The following CFAP43 variants were observed in gnomAD, a reference collection of about 807,000 sequenced individuals.
CFAP43 encodes cilia- and flagella-associated protein 43.
In CFAP43, 155 loss-of-function variants were observed where a neutral mutation model predicts 218.9. The observed-to-expected ratio is 0.71, with a 90% CI of 0.62 to 0.81. The LOEUF (loss-of-function observed/expected upper bound fraction) is 0.81. CFAP43 is among the 30% of genes least tolerant of loss of function. The pLI is 0.00. For synonymous variants in CFAP43, 645 were observed against 681.3 expected (o/e 0.95, Z 0.83); for missense variants, 1,778 against 1,954.3 (o/e 0.91, Z 1.70).
At chr10:104,163,121 G>A (rs1280467445) in intron 24 of CFAP43, among the ~76,000 whole-genome samples, 1 of 152,192 alleles carries the variant, frequency 6.6e-6, no homozygotes. Flanking sequence ...GAGTGCACAG[G>A]TTAAGAGGAT....
In CFAP43 at chr10:104,232,309, C is replaced by T. The variant is rs2091473488; in HGVS notation, c.-63G>A. On this transcript the variant is annotated 5_prime_UTR_variant, in exon 1 of 38. Coordinates refer to ENST00000357060, the MANE Select transcript of CFAP43 (RefSeq NM_025145.7). Reference sequence around the variant, plus strand: ...GCAGCACCCCAGGGCGGGTCGGTTACCTTTCCGCCGCCGCGGGGCTGCGGG... The same window carrying T: ...GCAGCACCCCAGGGCGGGTCGGTTATCTTTCCGCCGCCGCGGGGCTGCGGG... 3 of 1,461,654 alleles carry T rather than the reference C, an allele frequency of 2.1e-6. No homozygotes were observed. Among genetic ancestry groups the T allele is most frequent in the Non-Finnish European group, 2.7e-6 (3 of 1,104,298 alleles). 90.5% of individuals were successfully genotyped at this position (1,461,654 alleles called of 1,614,324 possible).
intron 35 of CFAP43, chr10:104,133,336 A>G: frequency 3.9e-6 from 1 of 253,596 alleles, no homozygotes; most frequent in Non-Finnish European, 7.4e-6. Flanking sequence ...AAGCCAAAGG[A>G]ATGAGAAATT....
At chr10:104,152,528 GA>G in intron 28 of CFAP43, 78 bp downstream of exon 28, 1 of 1,578,790 alleles carries the variant, frequency 6.3e-7, no homozygotes, top group Non-Finnish European at 8.6e-7. Flanking sequence ...ACCTGGTAAG[GA>G]TGTTGATCTT....
At chr10:104,218,176 G>A (rs907934969) in intron 3 of CFAP43, among the ~76,000 whole-genome samples, 11 of 151,792 alleles carry the variant, frequency 7.2e-5, no homozygotes, top group Admixed American at 2.0e-4. Flanking sequence ...GTGAAACCCC[G>A]TCTCTACTAA....
chr10:104,201,980 A>T (rs2090548096), intron 8 of CFAP43, among the ~76,000 whole-genome samples: 2 of 152,234 alleles, frequency 1.3e-5, no homozygotes, highest in Non-Finnish European at 2.9e-5. Context: ...ATCAGGGGTC[A>T]TCAAACTTTT....
chr10:104,130,998 CA>C (rs1163188252), intron 37 of CFAP43, among the ~76,000 whole-genome samples: 1,006 of 56,716 alleles, frequency 0.018, 6 homozygotes, highest in Non-Finnish European at 0.021. Context: ...CACCCTGTCT[CA>C]AAAAAAAAAA....
rs540931499 is a variant in CFAP43, at chr10:104,130,655, T to C, written c.4832-350A>G. Among the ~76,000 whole-genome samples, 32 of 152,170 alleles carry C rather than the reference T, an allele frequency of 2.1e-4. No individual in the cohort carries two copies. The South Asian group carries it at 6.4e-3, about 31-fold the overall frequency. On this transcript the variant is annotated intron_variant, in intron 37 of 37. Coordinates refer to ENST00000357060, the MANE Select transcript of CFAP43 (RefSeq NM_025145.7). ...ACCAAATACCACATGTTCTCACTTA[T>C]AAATGGGAGCTAAACAGTGGATACT...
chr10:104,168,642 T>G, intron 21 of CFAP43, 102 bp downstream of exon 21: 2 of 911,756 alleles, frequency 2.2e-6, no homozygotes, highest in Non-Finnish European at 3.5e-6. Context: ...ATGCTCTCAG[T>G]GCTTTGCTAT....
At chr10:104,190,475 C>T (rs686441) in intron 12 of CFAP43, among the ~76,000 whole-genome samples, 71,720 of 152,134 alleles carry the variant, frequency 0.47, 17,887 homozygotes, top group African/African-American at 0.66. Context: ...GGTTTACTTC[C>T]ACTCTGTTGA....
intron 28 of CFAP43, among the ~76,000 whole-genome samples, chr10:104,152,056 A>AT (rs796464229): frequency 5.3e-5 from 8 of 152,060 alleles, no homozygotes; most frequent in South Asian, 2.1e-4. Flanking sequence ...ATTAAGACAG[A>AT]TTTTTTTTCA....
intron 32 of CFAP43, 108 bp downstream of exon 32, chr10:104,143,318 C>A (rs931115276): frequency 7.4e-6 from 7 of 943,994 alleles, no homozygotes; most frequent in African/African-American, 3.3e-5. Context: ...AAATACTACC[C>A]TAGCAGGGAA....
At chr10:104,143,364 A>G (rs908341093) in intron 32 of CFAP43, 62 bp downstream of exon 32, 21 of 1,433,350 alleles carry the variant, frequency 1.5e-5, no homozygotes, top group Non-Finnish European at 2.0e-5. Context: ...ACACTGACCA[A>G]TGTAAACTAT....
At chr10:104,162,677 G>C (rs983670387) in intron 24 of CFAP43, among the ~76,000 whole-genome samples, 3 of 151,846 alleles carry the variant, frequency 2.0e-5, no homozygotes, top group East Asian at 3.9e-4. Flanking sequence ...AGGGAGGGGG[G>C]CTCAAAGAAG....
intron 17 of CFAP43, among the ~76,000 whole-genome samples, chr10:104,180,951 T>A (rs1172566911): frequency 6.6e-6 from 1 of 152,094 alleles, no homozygotes; most frequent in African/African-American, 2.4e-5. Flanking sequence ...TTCCATGATG[T>A]CCTTACCTAG....
At position 104,230,460 on chromosome 10, in the gene CFAP43, A is replaced by G. The variant is rs2091419981; in HGVS notation, c.319+130T>C. ...AGCCTAGGCAACAGGGCAAAACTCCATCTCAAAACAAACACAAAAAACAAA... is the reference window on the plus strand; with the variant it reads ...AGCCTAGGCAACAGGGCAAAACTCCGTCTCAAAACAAACACAAAAAACAAA... On this transcript the variant is annotated intron_variant, in intron 2 of 37. Transcript: ENST00000357060. 4 of 1,232,720 alleles carry G rather than the reference A, an allele frequency of 3.2e-6. No homozygotes were observed. The South Asian group carries it at 4.7e-5, about 15-fold the overall frequency. 76.4% of individuals were successfully genotyped at this position (1,232,720 alleles called of 1,614,324 possible).
intron 34 of CFAP43, among the ~76,000 whole-genome samples, chr10:104,140,531 G>A (rs972515761): frequency 1.3e-5 from 2 of 152,220 alleles, no homozygotes; most frequent in Non-Finnish European, 2.9e-5. Flanking sequence ...TTGGCCAGGT[G>A]CAGTGGCTCC....
intron 3 of CFAP43, chr10:104,218,924 C>G: frequency 2.2e-6 from 1 of 461,420 alleles, no homozygotes; most frequent in South Asian, 1.6e-5. Flanking sequence ...CGAGGAGCCA[C>G]CACACCAACC....
chr10:104,138,463 G>A (rs1268364905), intron 34 of CFAP43, among the ~76,000 whole-genome samples: 1 of 151,772 alleles, frequency 6.6e-6, no homozygotes, highest in Non-Finnish European at 1.5e-5. Flanking sequence ...ATCACCTGAG[G>A]TTGGTAGTTC....
intron 3 of CFAP43, among the ~76,000 whole-genome samples, chr10:104,219,952 G>A (rs1250644045): frequency 3.3e-5 from 5 of 151,970 alleles, no homozygotes; most frequent in South Asian, 2.1e-4. Context: ...CCAAATTCCC[G>A]TGTTAATATC....
Sources: allele counts gnomAD v4.1 joint callset (sites outside exome capture counted in the v4.1 genomes callset), GRCh38; gene constraint gnomAD v4.1.1; transcripts MANE v1.5; gene names NCBI Gene and HGNC (gene_info 2026-07-23, HGNC 2026-07-21).